ACOT11: variants seen among roughly 807,000 people sequenced by gnomAD.
ACOT11 encodes the protein acyl-coenzyme A thioesterase 11.
Under a neutral mutation model 77.5 loss-of-function variants are expected in ACOT11, and 69 were observed. The observed-to-expected ratio is 0.89, with a 90% CI of 0.73 to 1.09. The LOEUF is 1.09. Among genes scored for constraint, ACOT11 ranks in the 50% least tolerant of loss-of-function variants. ACOT11 has a pLI of 0.00. For missense variants in ACOT11, 766 were observed against 813.7 expected, an observed-to-expected ratio of 0.94 and a Z score of 0.71; for synonymous variants, 279 against 313.0, an observed-to-expected ratio of 0.89 and a Z score of 1.15.
At chr1:54,553,326 A>T (rs1653138876) in intron 1 of ACOT11, among the ~76,000 whole-genome samples, 1 of 151,330 alleles carries the variant, frequency 6.6e-6, no homozygotes, top group Non-Finnish European at 1.5e-5. Flanking sequence ...GACCAGCCTG[A>T]CCAACATGGA....
At position 54,607,098 on chromosome 1, in the gene ACOT11, G is replaced by T. The variant is rs774157291; in HGVS notation, c.1371-36G>T. 6.2e-7 allele frequency: 1 copy of T among 1,612,346 alleles called. No homozygotes were observed. The highest frequency in any genetic ancestry group is 1.3e-5 in the African/African-American group (1 of 74,930). On this transcript the variant is annotated intron_variant, in intron 13 of 15. Coordinates refer to ENST00000343744, the MANE Select transcript of ACOT11 (RefSeq NM_147161.4). The surrounding 1 kb of genome is among the most constrained non-coding windows in gnomAD (Gnocchi z 4.5). ...CCCGCTGCTTGCATGGGAGCTGGAAGCTTCCTGGGGCACTGAGATCCCGGC... is the reference window on the plus strand; with the variant it reads ...CCCGCTGCTTGCATGGGAGCTGGAATCTTCCTGGGGCACTGAGATCCCGGC...
intron 1 of ACOT11, among the ~76,000 whole-genome samples, chr1:54,556,533 C>T (rs1023909755): frequency 6.6e-6 from 1 of 151,614 alleles, no homozygotes; most frequent in Non-Finnish European, 1.5e-5. Flanking sequence ...GGGATCTTTT[C>T]ATTTATATCT....
chr1:54,604,404 G>C lies in ACOT11; in HGVS notation c.1211G>C (p.Trp404Ser). The change falls in exon 12 of 16, where the codon TGG becomes TCG. Residue 404 changes from tryptophan to serine, a missense_variant. Physicochemically the swap from Trp to Ser is radical, Grantham distance 177 (BLOSUM62 -3). Transcript: ENST00000343744. ...SLKMLVAKDN[W>S]VLSSEISQVR... is the part of the protein sequence containing the mutation. ...AAGATGCTTGTGGCCAAGGACAACT[G>C]GGTGCTGTCCTCGGAGATCAGTCAG... 6.2e-7 allele frequency: 1 copy of C among 1,614,008 alleles called. No individual in the cohort carries two copies.
At chr1:54,562,341 A>G (rs1176101098) in intron 1 of ACOT11, among the ~76,000 whole-genome samples, 1 of 77,878 alleles carries the variant, frequency 1.3e-5, no homozygotes, top group Non-Finnish European at 2.4e-5. Context: ...TCCCTCCCGG[A>G]CGGGGTGGCT....
intron 7 of ACOT11, chr1:54,598,221 G>A (rs527554362): frequency 6.6e-6 from 1 of 152,502 alleles, no homozygotes; most frequent in East Asian, 1.9e-4. Flanking sequence ...GAGCCTGATG[G>A]TCAGGGAAGG....
chr1:54,593,956 G>A lies in ACOT11; in HGVS notation c.388G>A (p.Ala130Thr), dbSNP rs1238728610. The A allele has an allele frequency of 1.9e-6, 3 of 1,614,012 alleles. No individual in the cohort carries two copies. The highest frequency in any genetic ancestry group is 2.5e-6 in the Non-Finnish European group (3 of 1,179,998). ...TCCTCTCCAGGTGGGCATCCAGGTG[G>A]CCTCGGAGGACCTGTGCTCTGAGAA... ...NSSMEVGIQVASEDLCSEKQW... is the reference protein window; with the variant it reads ...NSSMEVGIQVTSEDLCSEKQW... Residue 130 changes from alanine (A) to threonine (T), a missense_variant, in exon 5 of 16, where the codon GCC becomes ACC. Coordinates refer to ENST00000343744, the MANE Select transcript of ACOT11 (RefSeq NM_147161.4).
chr1:54,597,017 G>C (rs1643894981), intron 6 of ACOT11, among the ~76,000 whole-genome samples: 1 of 152,230 alleles, frequency 6.6e-6, no homozygotes, highest in African/African-American at 2.4e-5. Context: ...AGGCAGTCTG[G>C]AGTGGAGCTG....
rs1002108390 is a variant in ACOT11, at chr1:54,600,086, C to T, written c.884+671C>T. On this transcript the variant is annotated intron_variant, in intron 8 of 15. Coordinates refer to ENST00000343744, the MANE Select transcript of ACOT11 (RefSeq NM_147161.4). ...TCAGAGTTATGAGGATTCAATGAGCCGTTACTAGTAGAACGCCAGAGAAAA... is the reference window on the plus strand; with the variant it reads ...TCAGAGTTATGAGGATTCAATGAGCTGTTACTAGTAGAACGCCAGAGAAAA... Among the ~76,000 whole-genome samples, 7 of 152,218 alleles carry T rather than the reference C, an allele frequency of 4.6e-5. No homozygotes were observed. The South Asian group carries it at 1.0e-3, about 23-fold the overall frequency.
chr1:54,577,137 TATTG>T (rs1654143839), intron 1 of ACOT11, among the ~76,000 whole-genome samples: 1 of 152,210 alleles, frequency 6.6e-6, no homozygotes, highest in South Asian at 2.1e-4. Context: ...AAAAATTAAT[TATTG>T]AAGTAAAATT....
At chr1:54,561,938 A>T (rs1279111967) in intron 1 of ACOT11, among the ~76,000 whole-genome samples, 2 of 77,762 alleles carry the variant, frequency 2.6e-5, no homozygotes, top group African/African-American at 1.6e-4. Flanking sequence ...TCCCTCCCGG[A>T]CGGGGCGGCT....
Position 54,604,333 on chromosome 1 carries a change from T to G in ACOT11, c.1153-13T>G. On this transcript the variant is annotated splice_polypyrimidine_tract_variant and intron_variant, in intron 11 of 15. Coordinates refer to ENST00000343744, the MANE Select transcript of ACOT11 (RefSeq NM_147161.4). Reference sequence around the variant, plus strand: ...GGGGGTGGGGTAGTGGTAGCACCTGTGTACTCTTTCAGGTGTACCTGAGCT... The same window carrying G: ...GGGGGTGGGGTAGTGGTAGCACCTGGGTACTCTTTCAGGTGTACCTGAGCT... The G allele has an allele frequency of 6.2e-7, 1 of 1,612,552 alleles. No individual in the cohort carries two copies. Among genetic ancestry groups the G allele is most frequent in the South Asian group, 1.1e-5 (1 of 91,040 alleles).
chr1:54,615,932 G>T, intron 15 of ACOT11: 1 of 1,391,164 alleles, frequency 7.2e-7, no homozygotes, highest in South Asian at 1.2e-5. Flanking sequence ...GTCAGGGCTG[G>T]ACTTGCTTCC....
chr1:54,570,409 C>A (rs1280718990), intron 1 of ACOT11, among the ~76,000 whole-genome samples: 1 of 152,226 alleles, frequency 6.6e-6, no homozygotes, highest in African/African-American at 2.4e-5. Flanking sequence ...CTCCATCTGA[C>A]CCCCACTGCT....
chr1:54,552,764 G>A (rs1423144123), intron 1 of ACOT11, among the ~76,000 whole-genome samples: 1 of 151,990 alleles, frequency 6.6e-6, no homozygotes, highest in Admixed American at 6.6e-5. Context: ...TGGGATTACA[G>A]GCATGAGCCA....
chr1:54,601,517 G>T, intron 9 of ACOT11, 104 bp downstream of exon 9: 2 of 1,497,110 alleles, frequency 1.3e-6, no homozygotes, highest in Non-Finnish European at 1.8e-6. Flanking sequence ...GAGGCGTGAG[G>T]GGCCCACCCT....
chr1:54,609,628 A>G lies in ACOT11; in HGVS notation c.*516A>G, dbSNP rs1644089921. On this transcript the variant is annotated 3_prime_UTR_variant, in exon 16 of 16. Transcript: ENST00000343744. Reference sequence around the variant, plus strand: ...TCACGTGGGGGAAGACCTCAGCCACAGCTGTAAGCAGCTCTCTGCCAGCCA... The same window carrying G: ...TCACGTGGGGGAAGACCTCAGCCACGGCTGTAAGCAGCTCTCTGCCAGCCA... The G allele has an allele frequency of 1.2e-6, 2 of 1,613,772 alleles. No homozygotes were observed. The highest frequency in any genetic ancestry group is 1.7e-6 in the Non-Finnish European group (2 of 1,180,022).
chr1:54,626,847 G>A (rs1471941277), intron 15 of ACOT11, among the ~76,000 whole-genome samples: 2 of 132,218 alleles, frequency 1.5e-5, no homozygotes, highest in Non-Finnish European at 3.5e-5. Context: ...TTATGAAGGA[G>A]GCATTCTTTT....
intron 15 of ACOT11, chr1:54,623,199 A>C: frequency 5.9e-5 from 53 of 905,718 alleles, no homozygotes; most frequent in Middle Eastern, 3.0e-4. Flanking sequence ...GGGACTGGTC[A>C]GAGCTGTAAG....
intron 1 of ACOT11, among the ~76,000 whole-genome samples, chr1:54,575,991 C>A (rs1054176540): frequency 6.6e-6 from 1 of 152,162 alleles, no homozygotes; most frequent in Non-Finnish European, 1.5e-5. Context: ...GGAACTGAGG[C>A]AGAGAAAGTT....
Sources: gnomAD v4.1 joint callset for allele counts (sites outside exome capture counted in the v4.1 genomes callset) on GRCh38, gnomAD v4.1.1 for gene constraint, Gnocchi (gnomAD v3.1) non-coding constraint, MANE v1.5 for transcripts, NCBI Gene and HGNC (gene_info 2026-07-23, HGNC 2026-07-21) for gene names.